OXR1: variants seen among roughly 807,000 people sequenced by gnomAD.
OXR1 encodes the protein oxidation resistance 1.
Under a neutral mutation model 104.6 loss-of-function variants are expected in OXR1, and 41 were observed. The ratio of observed to expected loss-of-function variants is 0.39; its 90% CI spans 0.31 to 0.51. OXR1 has a LOEUF of 0.51. OXR1 is among the 20% of genes least tolerant of loss of function. The pLI is 0.77. For synonymous variants in OXR1, 348 were observed against 348.4 expected, an observed-to-expected ratio of 1.00 and a Z score of 0.01; for missense variants, 955 against 1,031.9, an observed-to-expected ratio of 0.93 and a Z score of 1.02.
rs561722031 is a variant in OXR1, at chr8:106,751,920, G to A, written c.*979G>A. 2 of 152,338 alleles carry A rather than the reference G, an allele frequency of 1.3e-5. No individual in the cohort carries two copies. Among genetic ancestry groups the A allele is most frequent in the Admixed American group, 6.5e-5 (1 of 15,268 alleles). The allele number at this position is 152,338 out of a possible 1,614,324, so 9.4% of individuals were successfully genotyped here. A position where few individuals can be genotyped will look rare whatever the true frequency, so the allele number is the denominator to read the frequency against. On this transcript the variant is annotated 3_prime_UTR_variant, in exon 17 of 17. Coordinates refer to ENST00000517566, the MANE Select transcript of OXR1 (RefSeq NM_001198533.2). ...TGGTATATGTTATTAATTACCATTAGCATTTGCTCTTATAAAGGGCAATGA... is the reference window on the plus strand; with the variant it reads ...TGGTATATGTTATTAATTACCATTAACATTTGCTCTTATAAAGGGCAATGA...
rs1362653976 is a variant in OXR1, at chr8:106,752,046, T to TG, written c.*1105_*1106insG. On this transcript the variant is annotated 3_prime_UTR_variant, in exon 17 of 17. Coordinates refer to ENST00000517566, the MANE Select transcript of OXR1 (RefSeq NM_001198533.2). ...ATGAAAAGATAGAATACACTAGTAGTTCTTATCCTCTTTTGTAGGAAACCA... is the reference window on the plus strand; with the variant it reads ...ATGAAAAGATAGAATACACTAGTAGTGTCTTATCCTCTTTTGTAGGAAACCA... 6.6e-6 allele frequency: 1 copy of TG among 152,572 alleles called. No individual in the cohort carries two copies. Among genetic ancestry groups the TG allele is most frequent in the African/African-American group, 2.4e-5 (1 of 41,464 alleles). 9.5% of individuals were successfully genotyped at this position (152,572 alleles called of 1,614,324 possible). A position where few individuals can be genotyped will look rare whatever the true frequency, so the allele number is the denominator to read the frequency against.
At chr8:106,555,113 G>A (rs944061097) in intron 3 of OXR1, among the ~76,000 whole-genome samples, 2 of 152,012 alleles carry the variant, frequency 1.3e-5, no homozygotes, top group Non-Finnish European at 1.5e-5. Context: ...TAGATCCTTC[G>A]ATGTCTCCAT....
intron 3 of OXR1, among the ~76,000 whole-genome samples, chr8:106,528,429 CA>C (rs781302366): frequency 6.6e-6 from 1 of 152,168 alleles, no homozygotes; most frequent in Non-Finnish European, 1.5e-5. Context: ...CTTAACGATG[CA>C]CAGTTAAATA....
chr8:106,429,834 A>C (rs1819288265), intron 2 of OXR1, among the ~76,000 whole-genome samples: 1 of 152,072 alleles, frequency 6.6e-6, no homozygotes, highest in Admixed American at 6.6e-5. Context: ...AGTTTTTCTA[A>C]GAAAATATGA....
At chr8:106,329,350 CTTTT>C (rs773206309) in intron 1 of OXR1, among the ~76,000 whole-genome samples, 1 of 137,746 alleles carries the variant, frequency 7.3e-6, no homozygotes, top group South Asian at 2.4e-4. Context: ...CTCATTGACA[CTTTT>C]TTTTTTTTTT....
At chr8:106,715,433 A>T (rs146269465) in intron 11 of OXR1, among the ~76,000 whole-genome samples, 1 of 148,080 alleles carries the variant, frequency 6.8e-6, no homozygotes, top group Non-Finnish European at 1.5e-5. Context: ...TAATATATAT[A>T]TGTATCTTAT....
At chr8:106,694,923 A>G (rs905553311) in intron 7 of OXR1, among the ~76,000 whole-genome samples, 7 of 127,604 alleles carry the variant, frequency 5.5e-5, no homozygotes, top group African/African-American at 1.7e-4. Flanking sequence ...ATATTTATAT[A>G]TATTTATATA....
chr8:106,744,704 T>G (rs1835232142), intron 15 of OXR1, among the ~76,000 whole-genome samples: 1 of 152,186 alleles, frequency 6.6e-6, no homozygotes, highest in Admixed American at 6.5e-5. Context: ...ATAAATGAAT[T>G]TTAGTGAATG....
At chr8:106,599,540 G>T (rs1164258152) in intron 3 of OXR1, among the ~76,000 whole-genome samples, 1 of 152,134 alleles carries the variant, frequency 6.6e-6, no homozygotes, top group Non-Finnish European at 1.5e-5. Flanking sequence ...TACTGGAAAA[G>T]GTTAGGTTAA....
intron 2 of OXR1, among the ~76,000 whole-genome samples, chr8:106,501,683 T>A (rs1182943842): frequency 6.6e-6 from 1 of 152,122 alleles, no homozygotes; most frequent in East Asian, 1.9e-4. Context: ...ACAAAATCCT[T>A]TCCATGTAAA....
At chr8:106,701,562 T>C (rs970668961) in intron 7 of OXR1, among the ~76,000 whole-genome samples, 2 of 152,222 alleles carry the variant, frequency 1.3e-5, no homozygotes, top group Admixed American at 1.3e-4. Flanking sequence ...TAAAATTCTT[T>C]CTGGCTCTTC....
rs138432601 is a variant in OXR1 at position 106,341,390 on chromosome 8, C to CATATATATATATATATATATAT, written c.-138-18069_-138-18068insTATATATATATATATATATATA. Among the ~76,000 whole-genome samples, 597 of 145,850 alleles carry CATATATATATATATATATATAT rather than the reference C, an allele frequency of 4.1e-3. 2 individuals carry two copies. The highest frequency in any genetic ancestry group is 5.6e-3 in the Non-Finnish European group (371 of 66,168). On this transcript the variant is annotated intron_variant, in intron 1 of 16. Transcript: ENST00000517566. ...CTCATTTATTCAATTAGTCAATCTA[C>CATATATATATATATATATATAT]ATATATATATATATATACTTTCTAA...
chr8:106,622,657 C>A (rs1357654149), intron 3 of OXR1, among the ~76,000 whole-genome samples: 1 of 152,172 alleles, frequency 6.6e-6, no homozygotes, highest in Non-Finnish European at 1.5e-5. Flanking sequence ...TCCTCACTTT[C>A]TTCGGGTTCT....
At chr8:106,543,044 T>C (rs1283888610) in intron 3 of OXR1, among the ~76,000 whole-genome samples, 1 of 152,168 alleles carries the variant, frequency 6.6e-6, no homozygotes, top group Non-Finnish European at 1.5e-5. Context: ...ATGAGTCCTA[T>C]TTTATTTTCT....
intron 3 of OXR1, among the ~76,000 whole-genome samples, chr8:106,560,188 G>C (rs576133355): frequency 7.6e-4 from 116 of 152,270 alleles, no homozygotes; most frequent in African/African-American, 2.8e-3. Context: ...TGGTACTAAA[G>C]TTGGAAAACC....
At chr8:106,742,191 G>A (rs371918338) in intron 14 of OXR1, 31 bp from the exon 15 acceptor site, 40 of 1,166,182 alleles carry the variant, frequency 3.4e-5, no homozygotes, top group East Asian at 1.2e-4. Context: ...TTTGTTAGTC[G>A]TGTCATTGAA....
chr8:106,333,215 C>T (rs577681775), intron 1 of OXR1, among the ~76,000 whole-genome samples: 1 of 152,118 alleles, frequency 6.6e-6, no homozygotes, highest in African/African-American at 2.4e-5. Context: ...TGAGGAACTG[C>T]CAAACTTTTT....
intron 7 of OXR1, among the ~76,000 whole-genome samples, chr8:106,694,829 A>T (rs1318684973): frequency 8.0e-6 from 1 of 124,232 alleles, no homozygotes; most frequent in Admixed American, 9.2e-5. Context: ...AAATACATTT[A>T]TATATATAAT....
At chr8:106,335,971 C>A (rs570788065) in intron 1 of OXR1, among the ~76,000 whole-genome samples, 14 of 152,122 alleles carry the variant, frequency 9.2e-5, no homozygotes, top group African/African-American at 3.1e-4. Flanking sequence ...TGGTGGTTGC[C>A]CATAAGCCCA....
Sources: gnomAD v4.1 joint callset for allele counts (sites outside exome capture counted in the v4.1 genomes callset) on GRCh38, gnomAD v4.1.1 for gene constraint, MANE v1.5 for transcripts, NCBI Gene and HGNC (gene_info 2026-07-23, HGNC 2026-07-21) for gene names.